The following ARHGAP26 variants were observed in gnomAD, a reference collection of about 807,000 sequenced individuals.
ARHGAP26 encodes Rho GTPase activating protein 26, also known as rho GTPase-activating protein 26.
Under a neutral mutation model 104.8 loss-of-function variants are expected in ARHGAP26, and 38 were observed. The ratio of observed to expected loss-of-function variants is 0.36; its 90% CI spans 0.28 to 0.48. The LOEUF is 0.48. Among genes scored for constraint, ARHGAP26 ranks in the 20% least tolerant of loss-of-function variants. The probability of loss-of-function intolerance (pLI) is 0.99; values close to 1 mark genes in which losing one functional copy is unlikely to be tolerated. For missense variants in ARHGAP26, 704 were observed against 947.9 expected, an observed-to-expected ratio of 0.74 and a Z score of 3.38; for synonymous variants, 341 against 340.0, an observed-to-expected ratio of 1.00 and a Z score of -0.03.
chr5:143,005,980 C>T (rs1319971715), intron 11 of ARHGAP26, among the ~76,000 whole-genome samples: 1 of 152,166 alleles, frequency 6.6e-6, no homozygotes, highest in Non-Finnish European at 1.5e-5. Context: ...TTTCAGAACT[C>T]CCCAGTGGTA....
chr5:143,123,231 T>C (rs191228331), intron 18 of ARHGAP26, among the ~76,000 whole-genome samples: 174 of 152,354 alleles, frequency 1.1e-3, no homozygotes, highest in African/African-American at 4.1e-3. Context: ...ACAGAACATG[T>C]ACATTACTCT....
At chr5:143,063,718 C>T (rs1266826214) in intron 17 of ARHGAP26, among the ~76,000 whole-genome samples, 1 of 152,232 alleles carries the variant, frequency 6.6e-6, no homozygotes, top group African/African-American at 2.4e-5. Flanking sequence ...GGAATGGCCC[C>T]TCCCCAGCCT....
At chr5:142,959,177 A>G (rs1032615318) in intron 11 of ARHGAP26, among the ~76,000 whole-genome samples, 1 of 152,348 alleles carries the variant, frequency 6.6e-6, no homozygotes, top group East Asian at 1.9e-4. Context: ...CCATTATGTC[A>G]TGCTATTATG....
intron 11 of ARHGAP26, among the ~76,000 whole-genome samples, chr5:143,005,166 A>G (rs1490111054): frequency 1.3e-5 from 2 of 152,238 alleles, no homozygotes; most frequent in Non-Finnish European, 1.5e-5. Context: ...TTGATATACT[A>G]TAGAAAGAGC....
intron 1 of ARHGAP26, among the ~76,000 whole-genome samples, chr5:142,848,064 CT>C (rs1252643613): frequency 6.6e-6 from 1 of 152,182 alleles, no homozygotes; most frequent in Non-Finnish European, 1.5e-5. Flanking sequence ...ATGGCAGTGT[CT>C]GAAGGTGGCA....
At chr5:143,215,885 T>G (rs753421976) in intron 22 of ARHGAP26, among the ~76,000 whole-genome samples, 41 of 152,208 alleles carry the variant, frequency 2.7e-4, no homozygotes, top group African/African-American at 1.4e-4. Context: ...TGTTTCCTCT[T>G]TTTGGCTGCT....
At chr5:143,067,980 A>G (rs1009660819) in intron 17 of ARHGAP26, among the ~76,000 whole-genome samples, 1 of 152,156 alleles carries the variant, frequency 6.6e-6, no homozygotes, top group Non-Finnish European at 1.5e-5. Context: ...CCTGGCCAAC[A>G]TGGTGAAACC....
At chr5:143,138,050 T>C (rs1383542733) in intron 19 of ARHGAP26, among the ~76,000 whole-genome samples, 4 of 152,230 alleles carry the variant, frequency 2.6e-5, no homozygotes, top group Non-Finnish European at 4.4e-5. Context: ...GAAGGGGTTT[T>C]TCCTACAGTG....
intron 20 of ARHGAP26, among the ~76,000 whole-genome samples, chr5:143,184,980 T>C (rs181472686): frequency 6.6e-6 from 1 of 152,196 alleles, no homozygotes; most frequent in East Asian, 1.9e-4. Context: ...TAATGAGAGG[T>C]CTATGCAACA....
intron 12 of ARHGAP26, among the ~76,000 whole-genome samples, chr5:143,026,739 G>A (rs1598696233): frequency 1.4e-5 from 2 of 140,372 alleles, no homozygotes; most frequent in East Asian, 4.4e-4. Context: ...CATGACATGA[G>A]CTGATGTATG....
chr5:143,032,845 ATG>A (rs944895502), intron 12 of ARHGAP26, among the ~76,000 whole-genome samples: 10 of 152,166 alleles, frequency 6.6e-5, no homozygotes, highest in African/African-American at 1.7e-4. Context: ...ATGCATGCAC[ATG>A]TGTGTGTGTG....
chr5:142,907,457 A>T (rs1226931764), intron 8 of ARHGAP26: 1 of 245,892 alleles, frequency 4.1e-6, no homozygotes, highest in African/African-American at 2.2e-5. Flanking sequence ...GACCCACTGG[A>T]TGTAGCATCA....
intron 1 of ARHGAP26, among the ~76,000 whole-genome samples, chr5:142,786,628 G>C (rs1265478587): frequency 2.0e-5 from 3 of 149,962 alleles, no homozygotes; most frequent in African/African-American, 7.4e-5. Context: ...TGGAAATGAC[G>C]TGAAACAGAT....
intron 12 of ARHGAP26, among the ~76,000 whole-genome samples, chr5:143,022,803 C>T (rs1598673455): frequency 1.3e-5 from 2 of 152,298 alleles, no homozygotes; most frequent in South Asian, 4.1e-4. Flanking sequence ...ATACTCAAAC[C>T]CTAGCCTGCC....
intron 1 of ARHGAP26, among the ~76,000 whole-genome samples, chr5:142,846,845 A>T (rs920242254): frequency 2.6e-5 from 4 of 152,236 alleles, no homozygotes; most frequent in African/African-American, 9.7e-5. Context: ...CTTAAAGCAT[A>T]CATGTATGTG....
rs778542742 is a variant in ARHGAP26, at chr5:143,134,059, C to T, written c.1791C>T (p.Ser597=). 62 of 1,612,672 alleles carry T rather than the reference C, an allele frequency of 3.8e-5. No homozygotes were observed. Among genetic ancestry groups the T allele is most frequent in the Non-Finnish European group, 4.8e-5 (57 of 1,179,302 alleles). The change falls in exon 19 of 23, where the codon AGC becomes AGT. Residue 597 remains serine (S), a synonymous_variant. Coordinates refer to ENST00000645722, the MANE Select transcript of ARHGAP26 (RefSeq NM_001135608.3). ...KSSDSKPPSC[S]ERPLTLFHTV... Reference sequence around the variant, plus strand: ...GTGACTCCAAGCCCCCGTCCTGCAGCGAGAGGCCCCTGACGCTCTTCCACA... The same window carrying T: ...GTGACTCCAAGCCCCCGTCCTGCAGTGAGAGGCCCCTGACGCTCTTCCACA...
intron 11 of ARHGAP26, among the ~76,000 whole-genome samples, chr5:142,988,878 T>C (rs1375757411): frequency 6.6e-6 from 1 of 152,230 alleles, no homozygotes; most frequent in Non-Finnish European, 1.5e-5. Context: ...ATTTCTGTTC[T>C]TTTACATTTG....
Position 143,133,971 on chromosome 5 carries a change from T to G in ARHGAP26, c.1703T>G (p.Phe568Cys). 1 of 1,609,732 alleles carries G rather than the reference T, an allele frequency of 6.2e-7. No homozygotes were observed. The highest frequency in any genetic ancestry group is 8.5e-7 in the Non-Finnish European group (1 of 1,177,626). The change falls in exon 19 of 23, where the codon TTT (phenylalanine) becomes TGT (cysteine). Residue 568 changes from phenylalanine to cysteine, a missense_variant. Around this residue, in one of 6 missense-constraint regions of ARHGAP26, gnomAD observed 287 missense variants for 438.8 expected, o/e 0.65. Coordinates refer to ENST00000645722, the MANE Select transcript of ARHGAP26 (RefSeq NM_001135608.3). Reference protein sequence around the residue: ...EILIENHEKIFNTVPDMPLTN... With the variant: ...EILIENHEKICNTVPDMPLTN... The stretch of plus-strand genomic sequence containing the variant: ...GTTGTGAAACTTCGTTTGCAGATAT[T>G]TAACACCGTGCCCGATATGCCTCTC...
At chr5:143,069,010 C>G (rs1215338520) in intron 17 of ARHGAP26, among the ~76,000 whole-genome samples, 2 of 152,120 alleles carry the variant, frequency 1.3e-5, no homozygotes, top group Non-Finnish European at 2.9e-5. Context: ...GGTTTTCCTC[C>G]TGCCTCCTTG....
Sources: allele counts gnomAD v4.1 joint callset (sites outside exome capture counted in the v4.1 genomes callset), GRCh38; gene constraint gnomAD v4.1.1; regional missense constraint gnomAD v4.1.1; transcripts MANE v1.5; gene names NCBI Gene and HGNC (gene_info 2026-07-23, HGNC 2026-07-21).